Variants in SLC35F4 observed in about 807,000 individuals in gnomAD.
SLC35F4 encodes the protein solute carrier family 35 member F4.
Under a neutral mutation model 44.2 loss-of-function variants are expected in SLC35F4, and 24 were observed. The ratio of observed to expected loss-of-function variants is 0.54; its 90% CI spans 0.39 to 0.76. SLC35F4 has a LOEUF of 0.76. Among genes scored for constraint, SLC35F4 ranks in the 30% least tolerant of loss-of-function variants. The pLI, the probability that SLC35F4 is intolerant of heterozygous loss-of-function variation, is 0.00. For synonymous variants in SLC35F4, 238 were observed against 223.6 expected (o/e 1.06, Z -0.57); for missense variants, 562 against 586.1 (o/e 0.96, Z 0.42).
At chr14:57,669,545 A>C (rs147763514) in intron 1 of SLC35F4, among the ~76,000 whole-genome samples, 1 of 152,000 alleles carries the variant, frequency 6.6e-6, no homozygotes, top group East Asian at 1.9e-4. Flanking sequence ...CATGAAGGGC[A>C]GTTGAATTTT....
intron 1 of SLC35F4, among the ~76,000 whole-genome samples, chr14:57,939,499 G>A (rs1212289603): frequency 2.0e-5 from 3 of 152,194 alleles, no homozygotes; most frequent in East Asian, 3.9e-4. Context: ...TCACCACTAA[G>A]GACCATGGGT....
chr14:57,779,939 T>A (rs983920859), intron 1 of SLC35F4, among the ~76,000 whole-genome samples: 1 of 152,098 alleles, frequency 6.6e-6, no homozygotes, highest in Non-Finnish European at 1.5e-5. Context: ...TACCTCAAAA[T>A]AATAACAGCC....
At chr14:57,762,912 T>C (rs932175876) in intron 1 of SLC35F4, among the ~76,000 whole-genome samples, 2 of 152,196 alleles carry the variant, frequency 1.3e-5, no homozygotes, top group African/African-American at 4.8e-5. Context: ...ATGATTCTTG[T>C]CTTGTAGCAA....
At chr14:57,646,339 G>T (rs1306905366) in intron 1 of SLC35F4, among the ~76,000 whole-genome samples, 1 of 152,028 alleles carries the variant, frequency 6.6e-6, no homozygotes, top group Non-Finnish European at 1.5e-5. Flanking sequence ...ACTTCTTCCT[G>T]GTTTAGTCTT....
chr14:57,800,008 T>C (rs2078152819), intron 1 of SLC35F4, among the ~76,000 whole-genome samples: 1 of 152,192 alleles, frequency 6.6e-6, no homozygotes, highest in South Asian at 2.1e-4. Flanking sequence ...TTGCCAGCAG[T>C]GGCCAGACTG....
chr14:57,949,516 G>T (rs1890096827), intron 1 of SLC35F4, among the ~76,000 whole-genome samples: 1 of 152,078 alleles, frequency 6.6e-6, no homozygotes, highest in Non-Finnish European at 1.5e-5. Flanking sequence ...AAGCATTTAA[G>T]CCATTTGCAA....
chr14:57,825,176 C>A (rs1883597143), intron 1 of SLC35F4, among the ~76,000 whole-genome samples: 1 of 152,054 alleles, frequency 6.6e-6, no homozygotes, highest in Non-Finnish European at 1.5e-5. Context: ...GTGGGGCTGC[C>A]ATTTACAGAC....
intron 1 of SLC35F4, among the ~76,000 whole-genome samples, chr14:57,647,441 T>G (rs1255377200): frequency 6.6e-6 from 1 of 151,984 alleles, no homozygotes; most frequent in East Asian, 1.9e-4. Context: ...AAATAAAAAT[T>G]TGTTTTAGAG....
chr14:57,568,387 T>C (rs2068311138), intron 6 of SLC35F4, among the ~76,000 whole-genome samples: 2 of 152,246 alleles, frequency 1.3e-5, no homozygotes, highest in Admixed American at 6.5e-5. Flanking sequence ...CTAAAGGCCA[T>C]TGAAATTTTA....
upstream of SLC35F4, among the ~76,000 whole-genome samples, chr14:57,867,764 C>G (rs1296204706): frequency 2.0e-5 from 3 of 152,002 alleles, no homozygotes; most frequent in Admixed American, 2.0e-4. Flanking sequence ...ATAAATTTTC[C>G]AATATTACAT....
At chr14:57,781,388 G>C (rs1214550328) in intron 1 of SLC35F4, among the ~76,000 whole-genome samples, 1 of 152,064 alleles carries the variant, frequency 6.6e-6, no homozygotes, top group African/African-American at 2.4e-5. Flanking sequence ...CACTAAAAAT[G>C]GCTATTATTA....
intron 1 of SLC35F4, among the ~76,000 whole-genome samples, chr14:57,860,878 G>A (rs186896460): frequency 1.3e-5 from 2 of 152,024 alleles, no homozygotes; most frequent in Non-Finnish European, 2.9e-5. Context: ...TGCTTACCAG[G>A]TTTAATTTCC....
chr14:57,843,027 A>G (rs1168776084), intron 1 of SLC35F4, among the ~76,000 whole-genome samples: 2 of 151,720 alleles, frequency 1.3e-5, no homozygotes, highest in Non-Finnish European at 2.9e-5. Context: ...TCAGTTTTGG[A>G]CTCTTGGACT....
intron 4 of SLC35F4, among the ~76,000 whole-genome samples, chr14:57,575,492 A>C (rs2068735546): frequency 6.6e-6 from 1 of 152,106 alleles, no homozygotes; most frequent in Non-Finnish European, 1.5e-5. Context: ...AAAACAAACA[A>C]AAAAGATGGG....
intron 1 of SLC35F4, among the ~76,000 whole-genome samples, chr14:57,781,250 CA>C (rs1194248763): frequency 1.3e-5 from 2 of 151,772 alleles, no homozygotes; most frequent in Non-Finnish European, 2.9e-5. Flanking sequence ...AAAAAGTGGG[CA>C]AAAAAACATG....
intron 1 of SLC35F4, among the ~76,000 whole-genome samples, chr14:57,681,291 A>C (rs746880700): frequency 2.0e-5 from 3 of 152,072 alleles, no homozygotes; most frequent in Admixed American, 6.5e-5. Flanking sequence ...CTATTTAATA[A>C]ATGGTGTTGG....
chr14:57,653,268 T>G (rs2073850810), intron 1 of SLC35F4, among the ~76,000 whole-genome samples: 1 of 151,942 alleles, frequency 6.6e-6, no homozygotes, highest in Non-Finnish European at 1.5e-5. Flanking sequence ...CAAGGCCCAA[T>G]AAAATGAGGC....
chr14:57,922,095 C>A (rs1256626797), intron 1 of SLC35F4, among the ~76,000 whole-genome samples: 1 of 152,186 alleles, frequency 6.6e-6, no homozygotes, highest in East Asian at 1.9e-4. Context: ...GATTCTGAAT[C>A]ACACATGCCT....
At chr14:57,670,115 C>T (rs137972947) in intron 1 of SLC35F4, among the ~76,000 whole-genome samples, 1 of 152,122 alleles carries the variant, frequency 6.6e-6, no homozygotes, top group African/African-American at 2.4e-5. Context: ...GGTTTATTTG[C>T]ATAGAGGTGT....
Sources: allele counts gnomAD v4.1 joint callset (sites outside exome capture counted in the v4.1 genomes callset), GRCh38; gene constraint gnomAD v4.1.1; transcripts MANE v1.5; gene names NCBI Gene and HGNC (gene_info 2026-07-23, HGNC 2026-07-21).